The following FOXN3 variants were observed in gnomAD, a reference collection of about 807,000 sequenced individuals.
FOXN3 encodes the protein forkhead box protein N3.
In FOXN3, 7 loss-of-function variants were observed where a neutral mutation model predicts 38.4. That is an observed-to-expected ratio of 0.18 (90% CI 0.10 to 0.34). FOXN3 has a LOEUF of 0.34. FOXN3 is among the 10% of genes least tolerant of loss of function. The probability of loss-of-function intolerance (pLI) is 1.00; values close to 1 mark genes in which losing one functional copy is unlikely to be tolerated. For missense variants in FOXN3, 456 were observed against 613.4 expected (o/e 0.74, Z 2.71); for synonymous variants, 230 against 242.2 (o/e 0.95, Z 0.47).
At chr14:89,400,987 G>C (rs1442911477) in intron 2 of FOXN3, among the ~76,000 whole-genome samples, 1 of 152,190 alleles carries the variant, frequency 6.6e-6, no homozygotes, top group African/African-American at 2.4e-5. Flanking sequence ...AGGTCTAGGA[G>C]AGCAGCCAGG....
At chr14:89,332,563 T>C (rs1888282962) in intron 3 of FOXN3, among the ~76,000 whole-genome samples, 1 of 152,152 alleles carries the variant, frequency 6.6e-6, no homozygotes, top group Non-Finnish European at 1.5e-5. Context: ...TCAAGATGGA[T>C]TAAAACTTTA....
intron 1 of FOXN3, among the ~76,000 whole-genome samples, chr14:89,460,819 T>A (rs956122222): frequency 3.9e-5 from 5 of 128,066 alleles, no homozygotes; most frequent in Non-Finnish European, 8.1e-5. Flanking sequence ...TCACCTGAGG[T>A]TGGAGTTCGA....
intron 1 of FOXN3, among the ~76,000 whole-genome samples, chr14:89,562,224 G>T (rs1172415581): frequency 1.3e-5 from 2 of 152,014 alleles, no homozygotes; most frequent in African/African-American, 4.8e-5. Context: ...CGTCTGCAGG[G>T]TTTTTCCATT....
chr14:89,313,443 A>G (rs1185290606), intron 3 of FOXN3, among the ~76,000 whole-genome samples: 2 of 152,106 alleles, frequency 1.3e-5, no homozygotes, highest in African/African-American at 4.8e-5. Context: ...CCGTAATCCC[A>G]GCTATTCGGG....
rs1300932297 is a variant in FOXN3 at position 89,158,795 on chromosome 14, G to A, written c.*3619C>T. 4 of 152,506 alleles carry A rather than the reference G, an allele frequency of 2.6e-5. No homozygotes were observed. Among genetic ancestry groups the A allele is most frequent in the South Asian group, 2.1e-4 (1 of 4,828 alleles). The allele number at this position is 152,506 out of a possible 1,614,324, so 9.4% of individuals were successfully genotyped here. A position where few individuals can be genotyped will look rare whatever the true frequency, so the allele number is the denominator to read the frequency against. On this transcript the variant is annotated 3_prime_UTR_variant, in exon 6 of 6. Transcript: ENST00000557258. ...GGGCCAATAGCAAGTAATCGTAGAC[G>A]TCGTGGTGTTGATGTGTTCACGGTT...
rs1893410424 is a variant in FOXN3, at chr14:89,484,737, C to G, written c.-14-72247G>C. ...ATCCCAGGCTATGATTCCAGAAGGC[C>G]CAAGCTTCTGCACACCTGTGTGCAG... On this transcript the variant is annotated intron_variant, in intron 1 of 6. Coordinates refer to the FOXN3 transcript ENST00000345097. The surrounding 1 kb of genome is among the most constrained non-coding windows in gnomAD (Gnocchi z 4.0). Among the ~76,000 whole-genome samples the G allele has an allele frequency of 6.6e-6, 1 of 152,126 alleles. No individual in the cohort carries two copies. The highest frequency in any genetic ancestry group is 1.5e-5 in the Non-Finnish European group (1 of 68,018).
chr14:89,178,640 G>A (rs1887587399), intron 5 of FOXN3, among the ~76,000 whole-genome samples: 1 of 152,200 alleles, frequency 6.6e-6, no homozygotes, highest in South Asian at 2.1e-4. Flanking sequence ...TTGCTGCAGT[G>A]CTTTGTTATT....
chr14:89,588,961 G>A (rs1262738575), intron 1 of FOXN3, among the ~76,000 whole-genome samples: 2 of 152,136 alleles, frequency 1.3e-5, no homozygotes, highest in Non-Finnish European at 2.9e-5. Context: ...CTTTTAAAGG[G>A]TGTACAATGT....
At chr14:89,330,996 T>C (rs1362935424) in intron 3 of FOXN3, among the ~76,000 whole-genome samples, 1 of 152,238 alleles carries the variant, frequency 6.6e-6, no homozygotes, top group Admixed American at 6.5e-5. Context: ...GTTGTTCTGT[T>C]TCCTCTTCTT....
intron 1 of FOXN3, among the ~76,000 whole-genome samples, chr14:89,443,445 G>A (rs1437663537): frequency 2.6e-5 from 4 of 152,190 alleles, no homozygotes; most frequent in Non-Finnish European, 5.9e-5. Flanking sequence ...TGTGATAAGG[G>A]AAACTGAGCT....
At chr14:89,242,273 G>A (rs1885163106) in intron 4 of FOXN3, among the ~76,000 whole-genome samples, 1 of 151,552 alleles carries the variant, frequency 6.6e-6, no homozygotes, top group South Asian at 2.1e-4. Context: ...TTGGGGTCCT[G>A]AGAGACCCAC....
intron 1 of FOXN3, among the ~76,000 whole-genome samples, chr14:89,438,380 G>C (rs1171078573): frequency 6.6e-6 from 1 of 152,214 alleles, no homozygotes; most frequent in African/African-American, 2.4e-5. Flanking sequence ...TCCCAAATTT[G>C]AGAGTAGTCC....
chr14:89,511,842 T>C (rs1157087904), intron 1 of FOXN3, among the ~76,000 whole-genome samples: 1 of 152,118 alleles, frequency 6.6e-6, no homozygotes, highest in Non-Finnish European at 1.5e-5. Flanking sequence ...CTTCTTCACA[T>C]AATGGCAGGA....
intron 4 of FOXN3, chr14:89,263,617 A>G (rs927562808): frequency 3.9e-5 from 6 of 152,230 alleles, no homozygotes; most frequent in African/African-American, 1.4e-4. Flanking sequence ...GAGGCTCACT[A>G]CATGTACATA....
intron 3 of FOXN3, among the ~76,000 whole-genome samples, chr14:89,332,216 A>G (rs529997842): frequency 1.3e-5 from 2 of 152,316 alleles, no homozygotes; most frequent in African/African-American, 4.8e-5. Flanking sequence ...CAGCGCAGAG[A>G]GGGGCAGACA....
chr14:89,392,579 C>T (rs1387299069), intron 2 of FOXN3, among the ~76,000 whole-genome samples: 2 of 151,848 alleles, frequency 1.3e-5, no homozygotes, highest in East Asian at 3.9e-4. Context: ...GCCATCACTC[C>T]AACCCCTGCC....
intron 1 of FOXN3, among the ~76,000 whole-genome samples, chr14:89,533,695 TAGTG>T (rs1349189841): frequency 1.4e-5 from 2 of 143,930 alleles, no homozygotes; most frequent in South Asian, 2.2e-4. Context: ...AAAAAAAAGT[TAGTG>T]AGTTATTTAA....
At chr14:89,447,649 C>T (rs188887888) in intron 1 of FOXN3, among the ~76,000 whole-genome samples, 2 of 152,014 alleles carry the variant, frequency 1.3e-5, no homozygotes, top group East Asian at 1.9e-4. Flanking sequence ...CCTAGGAGAC[C>T]GGCAGGCTCC....
chr14:89,240,491 C>A (rs1885108247), intron 4 of FOXN3, among the ~76,000 whole-genome samples: 1 of 152,186 alleles, frequency 6.6e-6, no homozygotes, highest in East Asian at 1.9e-4. Flanking sequence ...ACATCTGGTA[C>A]AACCATACAG....
Sources: allele counts gnomAD v4.1 joint callset (sites outside exome capture counted in the v4.1 genomes callset), GRCh38; gene constraint gnomAD v4.1.1; non-coding constraint Gnocchi (gnomAD v3.1); transcripts MANE v1.5; gene names NCBI Gene and HGNC (gene_info 2026-07-23, HGNC 2026-07-21).